The following TAFA2 variants were observed in gnomAD, a reference collection of about 807,000 sequenced individuals.
The protein encoded by TAFA2 is TAFA chemokine like family member 2.
Under a neutral mutation model 18.8 loss-of-function variants are expected in TAFA2, and 7 were observed. The ratio of observed to expected loss-of-function variants is 0.37; its 90% CI spans 0.21 to 0.70. The LOEUF is 0.70. TAFA2 is among the 30% of genes least tolerant of loss of function. TAFA2 has a pLI of 0.53. For missense variants in TAFA2, 122 were observed against 158.1 expected (o/e 0.77, Z 1.23); for synonymous variants, 60 against 54.2 (o/e 1.11, Z -0.47).
chr12:62,020,973 C>A (rs1165861451), intron 1 of TAFA2, among the ~76,000 whole-genome samples: 2 of 152,150 alleles, frequency 1.3e-5, no homozygotes, highest in Admixed American at 1.3e-4. Context: ...CAGTTATATT[C>A]ACTCCTTTGC....
At chr12:61,933,453 T>A (rs1401056823) in intron 1 of TAFA2, among the ~76,000 whole-genome samples, 1 of 152,156 alleles carries the variant, frequency 6.6e-6, no homozygotes, top group East Asian at 1.9e-4. Context: ...CTCTCACACC[T>A]GTATTCCCAG....
chr12:62,230,857 A>G (rs2062809304), intron 1 of TAFA2, among the ~76,000 whole-genome samples: 1 of 152,156 alleles, frequency 6.6e-6, no homozygotes, highest in African/African-American at 2.4e-5. Flanking sequence ...TTTATCTTTC[A>G]TAGAGATGAG....
intron 1 of TAFA2, among the ~76,000 whole-genome samples, chr12:62,043,120 T>C (rs998407563): frequency 6.6e-6 from 1 of 152,170 alleles, no homozygotes. Flanking sequence ...TATTTTAATG[T>C]ATGTATTAAA....
intron 1 of TAFA2, among the ~76,000 whole-genome samples, chr12:62,095,533 G>A (rs1868912480): frequency 6.6e-6 from 1 of 152,094 alleles, no homozygotes; most frequent in African/African-American, 2.4e-5. Flanking sequence ...CTATATCTGA[G>A]TGGCACAGCT....
intron 4 of TAFA2, among the ~76,000 whole-genome samples, chr12:61,750,918 A>G (rs545060876): frequency 6.6e-6 from 1 of 152,214 alleles, no homozygotes; most frequent in East Asian, 1.9e-4. Flanking sequence ...GGCCTTTCCA[A>G]TTGTGGCTGG....
rs192732243 is a variant in TAFA2 at position 61,773,798 on chromosome 12, A to G, written c.107-18774T>C. Among the ~76,000 whole-genome samples the G allele has an allele frequency of 1.3e-3, 191 of 152,146 alleles. 1 individual carries two copies. Among genetic ancestry groups the G allele is most frequent in the African/African-American group, 4.4e-3 (182 of 41,568 alleles). On this transcript the variant is annotated intron_variant, in intron 2 of 4. Transcript: ENST00000416284. ...CCCTTCTAGACATTGGCTTAGGCAA[A>G]GCGTTCATGACCAAGAACCAAAATT...
At chr12:61,827,075 GAT>G (rs892115383) in intron 2 of TAFA2, 8 of 151,994 alleles carry the variant, frequency 5.3e-5, no homozygotes, top group Non-Finnish European at 7.4e-5. Context: ...ATTGCAGGTA[GAT>G]ATATGATTCA....
intron 2 of TAFA2, among the ~76,000 whole-genome samples, chr12:61,778,020 G>C (rs937893189): frequency 4.0e-5 from 6 of 151,632 alleles, no homozygotes; most frequent in African/African-American, 1.5e-4. Context: ...GGGTCAAATA[G>C]ACCCAAACAG....
chr12:61,904,006 C>G (rs185010792), intron 1 of TAFA2, among the ~76,000 whole-genome samples: 3 of 152,298 alleles, frequency 2.0e-5, no homozygotes, highest in East Asian at 3.9e-4. Flanking sequence ...TCTGAAATTA[C>G]TGAAGATTTC....
intron 2 of TAFA2, among the ~76,000 whole-genome samples, chr12:61,813,540 C>G (rs11174183): frequency 0.048 from 7,243 of 151,112 alleles, 890 homozygotes; most frequent in African/African-American, 0.17. Flanking sequence ...AAAAGATTTT[C>G]CCAATAACAA....
chr12:62,193,021 G>C (rs1157990456), upstream of TAFA2, among the ~76,000 whole-genome samples: 1 of 152,194 alleles, frequency 6.6e-6, no homozygotes, highest in Non-Finnish European at 1.5e-5. Flanking sequence ...GCCCTATTAA[G>C]CAAAGCCCTT....
In TAFA2 at chr12:62,114,237, AG is replaced by A. The variant is rs1437866613; in HGVS notation, c.-2+77021del. 3.9e-5 allele frequency among the ~76,000 whole-genome samples: 6 copies of A among 152,116 alleles called. No individual in the cohort carries two copies. The East Asian group carries it at 1.2e-3, about 29-fold the overall frequency. Reference sequence around the variant, plus strand: ...CAGTCTCTCATGGCTTCCCTTGGCTAGGGGAGGGAGTTCCCTGACCCCTTGT... The same window carrying A: ...CAGTCTCTCATGGCTTCCCTTGGCTAGGGAGGGAGTTCCCTGACCCCTTGT... On this transcript the variant is annotated intron_variant, in intron 1 of 4. Transcript: ENST00000416284.
intron 1 of TAFA2, among the ~76,000 whole-genome samples, chr12:62,122,034 C>T (rs990862184): frequency 6.6e-6 from 1 of 152,120 alleles, no homozygotes; most frequent in Non-Finnish European, 1.5e-5. Context: ...AACACATGAA[C>T]ACACAAAAGG....
At chr12:62,246,401 T>G (rs2062886726) in intron 1 of TAFA2, among the ~76,000 whole-genome samples, 1 of 152,242 alleles carries the variant, frequency 6.6e-6, no homozygotes, top group African/African-American at 2.4e-5. Context: ...CTGTTTTAGA[T>G]TTGTTGAAAT....
chr12:62,004,901 T>A (rs1880496316), intron 1 of TAFA2, among the ~76,000 whole-genome samples: 2 of 152,152 alleles, frequency 1.3e-5, no homozygotes, highest in South Asian at 2.1e-4. Context: ...CTAGAGAACA[T>A]CACGCTACAT....
chr12:62,128,270 T>A (rs9668289), intron 1 of TAFA2, among the ~76,000 whole-genome samples: 46,431 of 151,898 alleles, frequency 0.31, 7,447 homozygotes, highest in Middle Eastern at 0.43. Flanking sequence ...TGTTAATCTA[T>A]TCAGGGAAAT....
intron 1 of TAFA2, among the ~76,000 whole-genome samples, chr12:62,086,261 A>G (rs970156145): frequency 6.6e-6 from 1 of 152,176 alleles, no homozygotes; most frequent in Non-Finnish European, 1.5e-5. Context: ...TATGACATCA[A>G]AAGCAGAGGC....
intron 1 of TAFA2, among the ~76,000 whole-genome samples, chr12:62,065,671 CAAG>C (rs1258098352): frequency 1.3e-5 from 2 of 151,548 alleles, no homozygotes; most frequent in Admixed American, 6.6e-5. Context: ...TTTCACTAGC[CAAG>C]AAGAACTGTG....
intron 1 of TAFA2, among the ~76,000 whole-genome samples, chr12:61,931,860 G>A (rs12300578): frequency 6.6e-6 from 1 of 152,042 alleles, no homozygotes; most frequent in African/African-American, 2.4e-5. Flanking sequence ...TGCCAGGATA[G>A]TTCTAAAGAT....
Sources: gnomAD v4.1 joint callset for allele counts (sites outside exome capture counted in the v4.1 genomes callset) on GRCh38, gnomAD v4.1.1 for gene constraint, MANE v1.5 for transcripts, NCBI Gene and HGNC (gene_info 2026-07-23, HGNC 2026-07-21) for gene names.